Variants in STXBP2 observed in about 807,000 individuals in gnomAD.
The protein encoded by STXBP2 is syntaxin-binding protein 2.
A neutral mutation model predicts 72.2 loss-of-function variants in STXBP2; 47 were observed. The ratio of observed to expected loss-of-function variants is 0.65; its 90% CI spans 0.51 to 0.83. The LOEUF is 0.83. Among genes scored for constraint, STXBP2 ranks in the 40% least tolerant of loss-of-function variants. The pLI is 0.00. For synonymous variants in STXBP2, 367 were observed against 338.7 expected (o/e 1.08, Z -0.92); for missense variants, 702 against 807.6 (o/e 0.87, Z 1.58).
the STXBP2 span, chr19:7,629,874 G>A: frequency 3.9e-6 from 6 of 1,528,736 alleles, no homozygotes; most frequent in Non-Finnish European, 5.3e-6. Context: ...AGTGGACACA[G>A]GAGTGGGTTG....
rs2031573651 is a variant in STXBP2 at position 7,637,147 on chromosome 19, A to C, written c.-3A>C. On this transcript the variant is annotated 5_prime_UTR_variant, in exon 1 of 19. Coordinates refer to ENST00000221283, the MANE Select transcript of STXBP2 (RefSeq NM_006949.4). The stretch of plus-strand genomic sequence containing the variant: ...GAAGCGGCGGCGGCGCCCCTCGGGG[A>C]AGATGGCGCCCTCGGGGCTGAAGGC... 3 of 1,240,028 alleles carry C rather than the reference A, an allele frequency of 2.4e-6. No individual in the cohort carries two copies. In the African/African-American group the frequency reaches 4.7e-5, roughly 19 times the overall value. 76.8% of individuals were successfully genotyped at this position (1,240,028 alleles called of 1,614,324 possible).
rs1300325902 is a variant in STXBP2 at position 7,637,296 on chromosome 19, C to A, written c.37+110C>A. 8 of 728,866 alleles carry A rather than the reference C, an allele frequency of 1.1e-5. No homozygotes were observed. The African/African-American group carries it at 1.2e-4, about 11-fold the overall frequency. The allele number at this position is 728,866 out of a possible 1,614,324, so 45.1% of individuals were successfully genotyped here. A position where few individuals can be genotyped will look rare whatever the true frequency, so the allele number is the denominator to read the frequency against. On this transcript the variant is annotated intron_variant, in intron 1 of 18. Transcript: ENST00000221283. ...TGGCGGCTGGGAGTTGGGGGCCGGG[C>A]TGGGCGTCCGAGCACCTGACCCTCG...
At chr19:7,643,771 GAA>G in intron 13 of STXBP2, among the ~76,000 whole-genome samples, 1 of 150,770 alleles carries the variant, frequency 6.6e-6, no homozygotes, top group African/African-American at 2.4e-5. Context: ...GTGAGGGGTG[GAA>G]CCTTGGAGAG....
At position 7,639,777 on chromosome 19, in the gene STXBP2, G is replaced by A. The variant is rs2031712772; in HGVS notation, c.216G>A (p.Glu72=). ...NKRREPIPSL[E]AIYLLSPTEK... Reference sequence around the variant, plus strand: ...GGCGGGAACCCATTCCCAGTCTGGAGGCCATTTATTTGCTGAGCCCCACGG... The same window carrying A: ...GGCGGGAACCCATTCCCAGTCTGGAAGCCATTTATTTGCTGAGCCCCACGG... Residue 72 remains glutamate (E), a synonymous_variant, in exon 4 of 19, where the codon GAG becomes GAA. Coordinates refer to ENST00000221283, the MANE Select transcript of STXBP2 (RefSeq NM_006949.4). The A allele has an allele frequency of 1.2e-6, 2 of 1,613,882 alleles. No homozygotes were observed. The highest frequency in any genetic ancestry group is 3.3e-5 in the Admixed American group (2 of 60,016).
Position 7,642,045 on chromosome 19 carries a change from A to T in STXBP2, c.590A>T (p.Asp197Val), listed in dbSNP as rs775163878. The change falls in exon 8 of 19, where the codon GAC becomes GTC. Residue 197 changes from aspartate to valine, a missense_variant. Physicochemically the swap from Asp to Val is radical, Grantham distance 152. Transcript: ENST00000221283. The surrounding 1 kb of genome is among the most constrained non-coding windows in gnomAD (Gnocchi z 6.0). ...PAIRYRKGPEDTAQLAHAVLA... is the reference protein window; with the variant it reads ...PAIRYRKGPEVTAQLAHAVLA... ...GACCTCCCCGCCAGGGGCCCAGAGG[A>T]CACAGCCCAGTTGGCCCACGCCGTC... is the stretch of plus-strand genomic sequence containing the variant. 7 of 1,613,908 alleles carry T rather than the reference A, an allele frequency of 4.3e-6. No individual in the cohort carries two copies. The East Asian group carries it at 1.6e-4, about 36-fold the overall frequency.
In STXBP2 at chr19:7,642,674, AC is replaced by A. The variant is rs1416491168; in HGVS notation, c.903-88del. Reference sequence around the variant, plus strand: ...TGACTCCAGACTGGCCTCCAATTTCACCCCACCTCTCCCTGTCCCCCCTGAG... The same window carrying A: ...TGACTCCAGACTGGCCTCCAATTTCACCCACCTCTCCCTGTCCCCCCTGAG... On this transcript the variant is annotated intron_variant, in intron 10 of 18. Coordinates refer to ENST00000221283, the MANE Select transcript of STXBP2 (RefSeq NM_006949.4). This position sits in a 1 kb window ranked among gnomAD's most constrained non-coding sequence, Gnocchi z 6.0. The A allele has an allele frequency of 6.4e-5, 94 of 1,477,024 alleles. No individual in the cohort carries two copies. Among genetic ancestry groups the A allele is most frequent in the Middle Eastern group, 5.6e-4 (3 of 5,322 alleles). 91.5% of individuals were successfully genotyped at this position (1,477,024 alleles called of 1,614,324 possible).
In STXBP2 at chr19:7,647,699, T is replaced by G. The variant is rs794073; in HGVS notation, c.1697-26T>G. On this transcript the variant is annotated intron_variant, in intron 18 of 18. Transcript: ENST00000221283. ...GACGAAGGCAGCGCCCCCCAACATC[T>G]TCCCCAAACCTCTGCCCCTGCACAG... 0.63 allele frequency: 1,015,408 copies of G among 1,612,724 alleles called. 323,632 individuals carry two copies. Among genetic ancestry groups the G allele is most frequent in the East Asian group, 0.85 (38,095 of 44,824 alleles).
chr19:7,640,206 ATGTATG>A (rs1325322024), intron 4 of STXBP2: 1 of 463,906 alleles, frequency 2.2e-6, no homozygotes, highest in Admixed American at 2.6e-5. Context: ...ATGCGTGTGT[ATGTATG>A]TGTCTGCGTC....
chr19:7,631,036 C>G, the STXBP2 span: 2 of 794,312 alleles, frequency 2.5e-6, no homozygotes, highest in Middle Eastern at 3.4e-4. Context: ...TGGCGAAACC[C>G]CATGTCTACA....
chr19:7,638,638 G>T, intron 1 of STXBP2, 88 bp from the exon 2 acceptor site: 1 of 1,397,274 alleles, frequency 7.2e-7, no homozygotes, highest in Non-Finnish European at 1.0e-6. Flanking sequence ...GAATTAAGAT[G>T]GGGGTTCAGC....
In STXBP2 at chr19:7,640,222, CTG is replaced by C. The variant is rs374515522; in HGVS notation, c.246+422_246+423del. On this transcript the variant is annotated intron_variant, in intron 4 of 18. Transcript: ENST00000221283. ...TGCGTGTGTATGTATGTGTCTGCGT[CTG>C]TGTGTGCGTCTGTGTGTATCTGTGT... 1,108 of 496,410 alleles carry C rather than the reference CTG, an allele frequency of 2.2e-3. 5 individuals are homozygous for C. Among genetic ancestry groups the C allele is most frequent in the African/African-American group, 0.017 (694 of 41,890 alleles). The allele number at this position is 496,410 out of a possible 1,614,324, so 30.8% of individuals were successfully genotyped here.
At chr19:7,644,799 C>G in intron 14 of STXBP2, 47 bp downstream of exon 14, 1 of 1,612,586 alleles carries the variant, frequency 6.2e-7, no homozygotes, top group South Asian at 1.1e-5. Context: ...TTGCCAGCGT[C>G]TCCCACGATC....
At chr19:7,633,646 T>C (rs370990226), upstream of STXBP2, 160 of 613,538 alleles carry the variant, frequency 2.6e-4, no homozygotes, top group African/African-American at 2.7e-3. Context: ...CCCACAACGA[T>C]GCTGGATCTG....
At position 7,638,747 on chromosome 19, in the gene STXBP2, G is replaced by A. The variant is rs776723772; in HGVS notation, c.59G>A (p.Arg20Gln). 6.2e-6 allele frequency: 10 copies of A among 1,613,982 alleles called. 1 individual carries two copies. The highest frequency in any genetic ancestry group is 2.2e-5 in the East Asian group (1 of 44,898). The change falls in exon 2 of 19, where the codon CGG (arginine) becomes CAG (glutamine). Residue 20 changes from arginine to glutamine, a missense_variant. By Grantham distance (43) the Arg-to-Gln change is conservative. Coordinates refer to ENST00000221283, the MANE Select transcript of STXBP2 (RefSeq NM_006949.4). ...VGEKILSGVI[R>Q]SVKKDGEWKV... is the part of the protein sequence containing the mutation. Reference sequence around the variant, plus strand: ...GCAGAAATTCTGAGCGGAGTTATTCGGAGTGTCAAGAAGGATGGGGAGTGG... The same window carrying A: ...GCAGAAATTCTGAGCGGAGTTATTCAGAGTGTCAAGAAGGATGGGGAGTGG...
At chr19:7,634,494 G>A (rs574334289), upstream of STXBP2, among the ~76,000 whole-genome samples, 58 of 152,306 alleles carry the variant, frequency 3.8e-4, no homozygotes, top group African/African-American at 1.3e-3. Flanking sequence ...CCAGAACAAA[G>A]TGTCATAGAC....
chr19:7,640,002 ATG>A (rs1408004362), intron 4 of STXBP2, 195 bp downstream of exon 4: 3 of 668,138 alleles, frequency 4.5e-6, no homozygotes, highest in East Asian at 3.1e-5. Flanking sequence ...ATGTGTGTCT[ATG>A]TATGTGTCTG....
intron 13 of STXBP2, among the ~76,000 whole-genome samples, chr19:7,643,635 G>A (rs1341455319): frequency 6.6e-6 from 1 of 151,702 alleles, no homozygotes; most frequent in Non-Finnish European, 1.5e-5. Flanking sequence ...GTGAGGGGCA[G>A]AGCCTTGGAG....
At chr19:7,645,020 T>TG in intron 14 of STXBP2, 177 bp from the exon 15 acceptor site, 1 of 1,446,510 alleles carries the variant, frequency 6.9e-7, no homozygotes, top group Non-Finnish European at 9.1e-7. Context: ...GAGGAGCCCC[T>TG]GATCTACCCC....
chr19:7,642,223 C>G lies in STXBP2; in HGVS notation c.684C>G (p.Ser228=), dbSNP rs751562196. 1 of 1,614,182 alleles carries G rather than the reference C, an allele frequency of 6.2e-7. No individual in the cohort carries two copies. Among genetic ancestry groups the G allele is most frequent in the South Asian group, 1.1e-5 (1 of 91,088 alleles). The part of the protein sequence containing the change: ...SLGEGPEKTR[S]QLLIMDRAAD... ...CCCAGGGCCCAGAGAAAACCCGCTC[C>G]CAGCTGCTGATAATGGACCGGGCAG... is the stretch of plus-strand genomic sequence containing the variant. The change falls in exon 9 of 19, where the codon TCC becomes TCG. Residue 228 remains serine (S), a synonymous_variant. Coordinates refer to ENST00000221283, the MANE Select transcript of STXBP2 (RefSeq NM_006949.4). The surrounding 1 kb of genome is among the most constrained non-coding windows in gnomAD (Gnocchi z 6.0).
Sources: gnomAD v4.1 joint callset for allele counts (sites outside exome capture counted in the v4.1 genomes callset) on GRCh38, gnomAD v4.1.1 for gene constraint, Gnocchi (gnomAD v3.1) non-coding constraint, MANE v1.5 for transcripts, NCBI Gene and HGNC (gene_info 2026-07-23, HGNC 2026-07-21) for gene names.